CUX1: variants seen among roughly 807,000 people sequenced by gnomAD.
The protein encoded by CUX1 is cut like homeobox 1.
A neutral mutation model predicts 158.8 loss-of-function variants in CUX1; 31 were observed. The observed-to-expected ratio is 0.20, with a 90% CI of 0.15 to 0.26. The LOEUF is 0.26. CUX1 is among the 10% of genes least tolerant of loss of function. CUX1 has a pLI of 1.00. For missense variants in CUX1, 1,589 were observed against 2,014.6 expected, an observed-to-expected ratio of 0.79 and a Z score of 4.04; for synonymous variants, 879 against 862.1, an observed-to-expected ratio of 1.02 and a Z score of -0.34.
At chr7:102,232,367 T>G (rs1799097986) in intron 21 of CUX1, among the ~76,000 whole-genome samples, 1 of 152,138 alleles carries the variant, frequency 6.6e-6, no homozygotes, top group East Asian at 1.9e-4. Flanking sequence ...TCAGCTTCAG[T>G]GCTTTCTAGG....
At chr7:101,898,805 A>G (rs55824493) in intron 1 of CUX1, among the ~76,000 whole-genome samples, 31,613 of 152,110 alleles carry the variant, frequency 0.21, 5,032 homozygotes, top group East Asian at 0.84. Flanking sequence ...TGGCCAGGCC[A>G]GTCTCGAACT....
chr7:101,880,843 C>A (rs1372298029), intron 1 of CUX1, among the ~76,000 whole-genome samples: 1 of 152,192 alleles, frequency 6.6e-6, no homozygotes, highest in East Asian at 1.9e-4. Context: ...CCAGCCAGGC[C>A]AGGCCCCCCA....
chr7:101,951,574 C>T (rs897016215), intron 2 of CUX1, among the ~76,000 whole-genome samples: 6 of 151,912 alleles, frequency 3.9e-5, no homozygotes, highest in South Asian at 4.2e-4. Flanking sequence ...GGCATGATCT[C>T]GGCTCACTGC....
chr7:102,117,635 C>T (rs1831569482), intron 8 of CUX1, among the ~76,000 whole-genome samples: 1 of 152,102 alleles, frequency 6.6e-6, no homozygotes, highest in Admixed American at 6.6e-5. Context: ...TCCCACCAGC[C>T]AGGGGAGCTG....
intron 5 of CUX1, among the ~76,000 whole-genome samples, chr7:102,099,642 A>G (rs1554485689): frequency 6.6e-6 from 1 of 151,950 alleles, no homozygotes; most frequent in Admixed American, 6.6e-5. Flanking sequence ...CACTGCAACA[A>G]CCTTGACCTC....
chr7:101,947,647 C>A (rs1414334478), intron 2 of CUX1, among the ~76,000 whole-genome samples: 1 of 151,968 alleles, frequency 6.6e-6, no homozygotes, highest in Admixed American at 6.6e-5. Flanking sequence ...GATTTATTTC[C>A]AAAAAAGCCC....
At chr7:102,146,487 C>A (rs1835036961) in intron 8 of CUX1, among the ~76,000 whole-genome samples, 2 of 152,172 alleles carry the variant, frequency 1.3e-5, no homozygotes. Context: ...GAAATCGTTT[C>A]CCATGAACAC....
At chr7:102,279,876 A>G (rs1554548712) in intron 18 of CUX1, among the ~76,000 whole-genome samples, 1 of 151,936 alleles carries the variant, frequency 6.6e-6, no homozygotes, top group Non-Finnish European at 1.5e-5. Context: ...CCACATTCAC[A>G]TTGTCACCCC....
At chr7:101,893,344 T>C (rs758428924) in intron 1 of CUX1, among the ~76,000 whole-genome samples, 27 of 152,100 alleles carry the variant, frequency 1.8e-4, no homozygotes, top group Middle Eastern at 3.4e-3. Context: ...ACTTTTTGTT[T>C]CTAATTTCTA....
chr7:102,052,263 C>T (rs1823603917), intron 3 of CUX1, among the ~76,000 whole-genome samples: 1 of 152,156 alleles, frequency 6.6e-6, no homozygotes, highest in Non-Finnish European at 1.5e-5. Flanking sequence ...GGTCACTCCT[C>T]ATTTATCCCA....
At chr7:102,277,933 G>GCCC in intron 17 of CUX1, 3 of 799,644 alleles carry the variant, frequency 3.8e-6, no homozygotes, top group Non-Finnish European at 3.6e-6. Flanking sequence ...CCCTTTCCTT[G>GCCC]CCCCTCCCCC....
Position 102,248,364 on chromosome 7 carries a change from T to C in CUX1, c.3888-48T>C. ...TGGCTGGGGTAGCACCAGAGGCCCTTTCCCCAGCAGCACCCCCCTCACGTC... is the reference window on the plus strand; with the variant it reads ...TGGCTGGGGTAGCACCAGAGGCCCTCTCCCCAGCAGCACCCCCCTCACGTC... On this transcript the variant is annotated intron_variant, in intron 23 of 23. Coordinates refer to ENST00000292535, the MANE Select transcript of CUX1 (RefSeq NM_181552.4). The surrounding 1 kb of genome is among the most constrained non-coding windows in gnomAD (Gnocchi z 5.8). The C allele has an allele frequency of 6.6e-7, 1 of 1,513,250 alleles. No individual in the cohort carries two copies. Among genetic ancestry groups the C allele is most frequent in the Non-Finnish European group, 8.9e-7 (1 of 1,128,858 alleles). The allele number at this position is 1,513,250 out of a possible 1,614,324, so 93.7% of individuals were successfully genotyped here. A position where few individuals can be genotyped will look rare whatever the true frequency, so the allele number is the denominator to read the frequency against.
At chr7:101,958,661 G>T (rs1252739425) in intron 2 of CUX1, among the ~76,000 whole-genome samples, 1 of 150,984 alleles carries the variant, frequency 6.6e-6, no homozygotes, top group Non-Finnish European at 1.5e-5. Context: ...TGTATTTTCA[G>T]TAGAGACGGG....
rs1554519947 is a variant in CUX1 at position 102,201,959 on chromosome 7, C to G, written c.2662C>G (p.Pro888Ala). Residue 888 changes from proline (P) to alanine (A), a missense_variant, in exon 18 of 24, where the codon CCA becomes GCA. Transcript: ENST00000292535. The surrounding 1 kb of genome is among the most constrained non-coding windows in gnomAD (Gnocchi z 5.0). ...GAAGGAGTGGCCCAGCGCTGAGTCCCCATACTCCCAGAGCTCAGAGCTGAG... is the reference window on the plus strand; with the variant it reads ...GAAGGAGTGGCCCAGCGCTGAGTCCGCATACTCCCAGAGCTCAGAGCTGAG... ...YWKEWPSAES[P>A]YSQSSELSLT... is the part of the protein sequence containing the mutation. 1 of 1,614,082 alleles carries G rather than the reference C, an allele frequency of 6.2e-7. No individual in the cohort carries two copies.
At chr7:102,121,050 G>A (rs1831976822) in intron 8 of CUX1, among the ~76,000 whole-genome samples, 1 of 152,164 alleles carries the variant, frequency 6.6e-6, no homozygotes, top group Admixed American at 6.5e-5. Flanking sequence ...GTGACAAAAC[G>A]AGAGCCCATC....
At chr7:101,827,232 C>T (rs1419575442) in intron 1 of CUX1, among the ~76,000 whole-genome samples, 2 of 114,200 alleles carry the variant, frequency 1.8e-5, no homozygotes, top group African/African-American at 6.2e-5. Flanking sequence ...AACTTTTTTT[C>T]TCCCCTCCCC....
intron 8 of CUX1, among the ~76,000 whole-genome samples, chr7:102,136,527 G>T (rs1328690571): frequency 3.3e-5 from 5 of 152,020 alleles, no homozygotes; most frequent in Non-Finnish European, 7.4e-5. Flanking sequence ...CAATAGCTGG[G>T]ATTACAGGCA....
intron 10 of CUX1, among the ~76,000 whole-genome samples, chr7:102,173,883 G>A (rs1189582563): frequency 6.6e-6 from 1 of 152,180 alleles, no homozygotes; most frequent in Non-Finnish European, 1.5e-5. Flanking sequence ...TAGCCAGTGG[G>A]TTCCAGCTGC....
intron 5 of CUX1, among the ~76,000 whole-genome samples, chr7:102,100,264 C>A (rs1416157304): frequency 2.0e-5 from 3 of 152,076 alleles, no homozygotes; most frequent in Non-Finnish European, 4.4e-5. Context: ...GGCAACAGAG[C>A]GAGACTCCAT....
Sources: gnomAD v4.1 joint callset for allele counts (sites outside exome capture counted in the v4.1 genomes callset) on GRCh38, gnomAD v4.1.1 for gene constraint, Gnocchi (gnomAD v3.1) non-coding constraint, MANE v1.5 for transcripts, NCBI Gene and HGNC (gene_info 2026-07-23, HGNC 2026-07-21) for gene names.